The following TCF4 variants were observed in gnomAD, a reference collection of about 807,000 sequenced individuals.
TCF4 encodes SL3-3 enhancer factor 2.
TCF4 carries 3 observed loss-of-function variants against 82.1 expected under a neutral mutation model. The ratio of observed to expected loss-of-function variants is 0.04; its 90% CI spans 0.02 to 0.09. The LOEUF is 0.09. Ranked by LOEUF, TCF4 falls within the 10% of genes least tolerant of loss-of-function variation. The pLI, the probability that TCF4 is intolerant of heterozygous loss-of-function variation, is 1.00. For missense variants in TCF4, 518 were observed against 852.7 expected, an observed-to-expected ratio of 0.61 and a Z score of 4.89; for synonymous variants, 276 against 309.6, an observed-to-expected ratio of 0.89 and a Z score of 1.14.
chr18:55,586,948 A>T, intron 2 of TCF4, 97 bp downstream of exon 2: 1 of 1,055,742 alleles, frequency 9.5e-7, no homozygotes, highest in Non-Finnish European at 1.5e-6. Flanking sequence ...AAAAATTATT[A>T]CTGTCCTTTA....
intron 3 of TCF4, among the ~76,000 whole-genome samples, chr18:55,494,658 G>A (rs1412016826): frequency 6.6e-6 from 1 of 151,944 alleles, no homozygotes; most frequent in Non-Finnish European, 1.5e-5. Flanking sequence ...GTGAATAAGA[G>A]AACTACATTT....
At chr18:55,357,762 A>G (rs964363864) in intron 6 of TCF4, among the ~76,000 whole-genome samples, 1 of 152,126 alleles carries the variant, frequency 6.6e-6, no homozygotes, top group Admixed American at 6.5e-5. Context: ...CTCCCTGGAA[A>G]CAGGAACCAG....
At chr18:55,612,072 A>G (rs1603625413) in intron 2 of TCF4, among the ~76,000 whole-genome samples, 1 of 152,136 alleles carries the variant, frequency 6.6e-6, no homozygotes, top group African/African-American at 2.4e-5. Flanking sequence ...CACCCGGCCA[A>G]TGTACAAATT....
At chr18:55,401,697 G>A (rs1454112306) in intron 6 of TCF4, 1 of 986,066 alleles carries the variant, frequency 1.0e-6, no homozygotes, top group Non-Finnish European at 1.2e-6. Flanking sequence ...ACACGGTCTG[G>A]ATGATGCTTT....
intron 2 of TCF4, among the ~76,000 whole-genome samples, chr18:55,617,400 C>A (rs2097713151): frequency 1.3e-5 from 2 of 151,988 alleles, no homozygotes; most frequent in African/African-American, 4.8e-5. Flanking sequence ...CTCAAGATTT[C>A]TTTGGCTATT....
upstream of TCF4, among the ~76,000 whole-genome samples, chr18:55,590,859 A>G (rs1212265723): frequency 6.6e-6 from 1 of 152,230 alleles, no homozygotes; most frequent in Non-Finnish European, 1.5e-5. Flanking sequence ...TAATTTGTAT[A>G]TTGGGCAACA....
chr18:55,398,905 A>T (rs1378831255), intron 6 of TCF4, among the ~76,000 whole-genome samples: 3 of 152,236 alleles, frequency 2.0e-5, no homozygotes, highest in Non-Finnish European at 4.4e-5. Context: ...CGATGAAGAC[A>T]GGTGCTAAGG....
At chr18:55,305,086 C>T (rs1045510743) in intron 8 of TCF4, among the ~76,000 whole-genome samples, 3 of 152,102 alleles carry the variant, frequency 2.0e-5, no homozygotes, top group Non-Finnish European at 4.4e-5. Flanking sequence ...AATCTATCTG[C>T]TAAAGCTACT....
intron 3 of TCF4, among the ~76,000 whole-genome samples, chr18:55,516,628 C>G (rs1474782337): frequency 6.6e-6 from 1 of 152,044 alleles, no homozygotes; most frequent in Non-Finnish European, 1.5e-5. Flanking sequence ...AGAGTGTGGT[C>G]AGGGAAGGCT....
At chr18:55,380,257 CCTTTA>C (rs2091657778) in intron 6 of TCF4, among the ~76,000 whole-genome samples, 2 of 151,816 alleles carry the variant, frequency 1.3e-5, no homozygotes, top group Non-Finnish European at 2.9e-5. Flanking sequence ...TAGCTCTCTT[CCTTTA>C]CTTTTCTTTT....
intron 8 of TCF4, among the ~76,000 whole-genome samples, chr18:55,339,865 C>T (rs774689940): frequency 6.6e-6 from 1 of 152,224 alleles, no homozygotes; most frequent in Non-Finnish European, 1.5e-5. Context: ...AGGCTACAAT[C>T]TAGCCATTCT....
At chr18:55,306,785 A>G (rs944320406) in intron 8 of TCF4, among the ~76,000 whole-genome samples, 10 of 152,216 alleles carry the variant, frequency 6.6e-5, no homozygotes, top group African/African-American at 2.4e-4. Context: ...TTGCTTTAAA[A>G]TTGGATTCAA....
At chr18:55,591,696 T>C (rs949776852), upstream of TCF4, among the ~76,000 whole-genome samples, 9 of 152,160 alleles carry the variant, frequency 5.9e-5, no homozygotes, top group Non-Finnish European at 8.8e-5. Flanking sequence ...TTTGTATTTT[T>C]AGTAGAGATG....
chr18:55,390,286 T>TAAAAAAAAAAAAAAAAAAA (rs56965997), intron 6 of TCF4, among the ~76,000 whole-genome samples: 21 of 82,200 alleles, frequency 2.6e-4, no homozygotes, highest in East Asian at 8.2e-4. Context: ...CCCTGACTCT[T>TAAAAAAAAAAAAAAAAAAA]AAAAAAAAAA....
chr18:55,371,794 A>T (rs913065691), intron 6 of TCF4, among the ~76,000 whole-genome samples: 8 of 152,090 alleles, frequency 5.3e-5, no homozygotes, highest in African/African-American at 1.9e-4. Context: ...TGCTGAAATT[A>T]TTGTCACAAG....
At position 55,585,260 on chromosome 18, in the gene TCF4, TAAG is replaced by T; in HGVS notation, c.145+17_145+19del. The T allele has an allele frequency of 6.2e-7, 1 of 1,610,764 alleles. No individual in the cohort carries two copies. The highest frequency in any genetic ancestry group is 8.5e-7 in the Non-Finnish European group (1 of 1,177,050). ...CAGCCCAGAACATTTAACTTAACAC[TAAG>T]AAAAGAATTTACATACTTGAGCCAG... On this transcript the variant is annotated intron_variant, in intron 3 of 19. Coordinates refer to ENST00000354452, the MANE Select transcript of TCF4 (RefSeq NM_001083962.2).
At chr18:55,552,657 C>T (rs941843816) in intron 3 of TCF4, among the ~76,000 whole-genome samples, 2 of 152,236 alleles carry the variant, frequency 1.3e-5, no homozygotes, top group East Asian at 1.9e-4. Context: ...TTTTATACAT[C>T]GCTTAATGGG....
intron 5 of TCF4, among the ~76,000 whole-genome samples, chr18:55,420,861 G>A (rs1465273452): frequency 1.3e-5 from 2 of 148,900 alleles, no homozygotes; most frequent in African/African-American, 5.0e-5. Flanking sequence ...CAGATTTGGG[G>A]GAAAAAAGAA....
At chr18:55,302,287 A>C in intron 8 of TCF4, 1 of 798,242 alleles carries the variant, frequency 1.3e-6, no homozygotes, top group Non-Finnish European at 2.0e-6. Context: ...GTTCTGGTGA[A>C]TGCCAGGGAA....
Sources: gnomAD v4.1 joint callset for allele counts (sites outside exome capture counted in the v4.1 genomes callset) on GRCh38, gnomAD v4.1.1 for gene constraint, MANE v1.5 for transcripts, NCBI Gene and HGNC (gene_info 2026-07-23, HGNC 2026-07-21) for gene names.